The following LATS1 variants were observed in gnomAD, a reference collection of about 807,000 sequenced individuals.
LATS1 encodes the protein large tumor suppressor kinase 1.
In LATS1, 25 loss-of-function variants were observed where a neutral mutation model predicts 106.6. The observed-to-expected ratio is 0.23, with a 90% confidence interval of 0.17 to 0.33. The LOEUF is 0.33. Ranked by LOEUF, LATS1 falls within the 10% of genes least tolerant of loss-of-function variation. The pLI is 1.00. For synonymous variants in LATS1, 465 were observed against 455.6 expected, an observed-to-expected ratio of 1.02 and a Z score of -0.26; for missense variants, 1,040 against 1,382.6, an observed-to-expected ratio of 0.75 and a Z score of 3.93.
intron 1 of LATS1, among the ~76,000 whole-genome samples, chr6:149,708,230 T>C (rs184601302): frequency 2.0e-5 from 3 of 151,996 alleles, no homozygotes; most frequent in Admixed American, 6.6e-5. Flanking sequence ...CCCTGGTCAA[T>C]ATGGTGAAAC....
At chr6:149,674,433 T>C (rs1781602243) in intron 7 of LATS1, among the ~76,000 whole-genome samples, 3 of 152,294 alleles carry the variant, frequency 2.0e-5, no homozygotes, top group Admixed American at 2.0e-4. Context: ...TGGAGTGCAG[T>C]GGCACAAATA....
At chr6:149,680,606 G>A (rs755175459) in intron 4 of LATS1, 149 bp from the exon 5 acceptor site, 4 of 636,472 alleles carry the variant, frequency 6.3e-6, no homozygotes, top group Admixed American at 6.1e-5. Flanking sequence ...ACATTTCAAA[G>A]GAAATTAATG....
chr6:149,686,618 C>T (rs528142633), intron 3 of LATS1, among the ~76,000 whole-genome samples: 3 of 152,276 alleles, frequency 2.0e-5, no homozygotes, highest in African/African-American at 7.2e-5. Context: ...ATTAAGGTTT[C>T]CTTTAAAAAT....
intron 1 of LATS1, among the ~76,000 whole-genome samples, chr6:149,711,009 ACC>A (rs1784055683): frequency 6.6e-6 from 1 of 152,156 alleles, no homozygotes; most frequent in African/African-American, 2.4e-5. Context: ...GCCCACTGAA[ACC>A]CCTTAGCTAA....
chr6:149,692,859 A>G (rs1782845192), intron 3 of LATS1, among the ~76,000 whole-genome samples: 1 of 151,868 alleles, frequency 6.6e-6, no homozygotes, highest in Non-Finnish European at 1.5e-5. Context: ...TTTTTAGTAG[A>G]GACGAGGTTT....
chr6:149,676,003 T>C (rs765964504), intron 7 of LATS1: 6 of 397,886 alleles, frequency 1.5e-5, no homozygotes, highest in African/African-American at 4.1e-5. Flanking sequence ...AGTTCATTCT[T>C]TTCCTTTTTT....
chr6:149,679,760 G>GA, intron 5 of LATS1, 115 bp downstream of exon 5: 1 of 741,992 alleles, frequency 1.3e-6, no homozygotes, highest in South Asian at 2.2e-5. Flanking sequence ...ACAGAATCAA[G>GA]ACCTGACCCA....
In LATS1 at chr6:149,683,662, G is replaced by A; in HGVS notation, c.1427C>T (p.Ser476Phe). The change falls in exon 4 of 8, where the codon TCT becomes TTT. Residue 476 changes from serine to phenylalanine, a missense_variant. Transcript: ENST00000543571. Reference protein sequence around the residue: ...NNPLGNRASHSANSQPSATTV... With the variant: ...NNPLGNRASHFANSQPSATTV... ...TGTAGCAGAAGGCTGAGAATTAGCA[G>A]AGTGACTTGCTCTATTTCCTAATGG... 6.2e-7 allele frequency: 1 copy of A among 1,614,180 alleles called. No homozygotes were observed. Among genetic ancestry groups the A allele is most frequent in the East Asian group, 2.2e-5 (1 of 44,888 alleles).
chr6:149,659,547 G>A lies in LATS1; in HGVS notation c.*2182C>T, dbSNP rs978642054. 4 of 230,640 alleles carry A rather than the reference G, an allele frequency of 1.7e-5. No individual in the cohort carries two copies. The highest frequency in any genetic ancestry group is 5.7e-5 in the Admixed American group (1 of 17,692). The allele number at this position is 230,640 out of a possible 1,614,324, so 14.3% of individuals were successfully genotyped here. ...AATACAGATTTTGTGGGAAGGGAAG[G>A]GGGAGGAGACAGCACCTTAGTTTTC... On this transcript the variant is annotated 3_prime_UTR_variant, in exon 8 of 8. Transcript: ENST00000543571.
At chr6:149,699,485 A>T (rs1204504487) in intron 2 of LATS1, among the ~76,000 whole-genome samples, 1 of 152,022 alleles carries the variant, frequency 6.6e-6, no homozygotes, top group Non-Finnish European at 1.5e-5. Context: ...AAAAAAAAAA[A>T]ATAAAATAAA....
Position 149,658,541 on chromosome 6 carries a change from T to G in LATS1, c.*3188A>C, listed in dbSNP as rs1301575620. Reference sequence around the variant, plus strand: ...TTCCACTTTAAATACCAAAGGGATGTTTATTAAAAATTTTTTATCTAAAAT... The same window carrying G: ...TTCCACTTTAAATACCAAAGGGATGGTTATTAAAAATTTTTTATCTAAAAT... On this transcript the variant is annotated 3_prime_UTR_variant, in exon 8 of 8. Coordinates refer to ENST00000543571, the MANE Select transcript of LATS1 (RefSeq NM_004690.4). 6.6e-6 allele frequency: 1 copy of G among 152,184 alleles called. No homozygotes were observed. Among genetic ancestry groups the G allele is most frequent in the East Asian group, 1.9e-4 (1 of 5,200 alleles). 9.4% of individuals were successfully genotyped at this position (152,184 alleles called of 1,614,324 possible).
chr6:149,662,988 G>T, intron 7 of LATS1, among the ~76,000 whole-genome samples: 1 of 130,578 alleles, frequency 7.7e-6, no homozygotes, highest in East Asian at 2.3e-4. Flanking sequence ...AAAAAAAAAA[G>T]AAAAATCTCT....
chr6:149,680,573 A>C, intron 4 of LATS1, 116 bp from the exon 5 acceptor site: 1 of 706,282 alleles, frequency 1.4e-6, no homozygotes, highest in Non-Finnish European at 2.3e-6. Context: ...AATTTTTAAT[A>C]AAGCATGTTA....
At chr6:149,699,235 T>G (rs1043073670) in intron 2 of LATS1, among the ~76,000 whole-genome samples, 9 of 152,270 alleles carry the variant, frequency 5.9e-5, no homozygotes, top group African/African-American at 1.7e-4. Flanking sequence ...GAATGAGTGA[T>G]TCAAGGAAGT....
At chr6:149,676,156 T>A (rs764803100) in intron 7 of LATS1, 104 bp downstream of exon 7, 2 of 797,944 alleles carry the variant, frequency 2.5e-6, no homozygotes, top group Non-Finnish European at 4.3e-6. Context: ...CCGGCCCAAG[T>A]TCATTCTTTA....
intron 2 of LATS1, among the ~76,000 whole-genome samples, chr6:149,699,691 GAATA>G (rs1035335075): frequency 3.9e-5 from 6 of 152,038 alleles, no homozygotes; most frequent in Admixed American, 3.3e-4. Context: ...TACCAATAAT[GAATA>G]GAGCATTGAC....
intron 7 of LATS1, 52 bp downstream of exon 7, chr6:149,676,208 A>T: frequency 1.6e-6 from 2 of 1,241,134 alleles, no homozygotes; most frequent in Non-Finnish European, 2.4e-6. Flanking sequence ...AATAAAAGTC[A>T]ATGATGTAGC....
At chr6:149,693,150 C>A (rs1190355135) in intron 3 of LATS1, among the ~76,000 whole-genome samples, 1 of 151,900 alleles carries the variant, frequency 6.6e-6, no homozygotes, top group African/African-American at 2.4e-5. Context: ...GTAACCCCAG[C>A]TACTCTGGAG....
chr6:149,661,632 GCT>G lies in LATS1; in HGVS notation c.*95_*96del. On this transcript the variant is annotated 3_prime_UTR_variant, in exon 8 of 8. Transcript: ENST00000543571. ...ATTGTACACAGAGCACACATATATA[GCT>G]CTGTCATATTTGCATAATTTTACTC... 1.0e-6 allele frequency: 1 copy of G among 963,030 alleles called. No individual in the cohort carries two copies. The highest frequency in any genetic ancestry group is 2.4e-5 in the East Asian group (1 of 41,308). 59.7% of individuals were successfully genotyped at this position (963,030 alleles called of 1,614,324 possible). A position where few individuals can be genotyped will look rare whatever the true frequency, so the allele number is the denominator to read the frequency against.
Sources: allele counts gnomAD v4.1 joint callset (sites outside exome capture counted in the v4.1 genomes callset), GRCh38; gene constraint gnomAD v4.1.1; transcripts MANE v1.5; gene names NCBI Gene and HGNC (gene_info 2026-07-23, HGNC 2026-07-21).